The following NLGN1 variants were observed in gnomAD, a reference collection of about 807,000 sequenced individuals.
NLGN1 encodes neuroligin-1.
Under a neutral mutation model 65.5 loss-of-function variants are expected in NLGN1, and 12 were observed. That is an observed-to-expected ratio of 0.18 (90% CI 0.12 to 0.30). The LOEUF (loss-of-function observed/expected upper bound fraction) is 0.30, where lower values mean the gene tolerates loss of function less well. Ranked by LOEUF, NLGN1 falls within the 10% of genes least tolerant of loss-of-function variation. The pLI is 1.00. For synonymous variants in NLGN1, 350 were observed against 359.5 expected (o/e 0.97, Z 0.30); for missense variants, 750 against 1,007.1 (o/e 0.74, Z 3.46).
At chr3:173,451,501 G>C (rs1005734643) in intron 2 of NLGN1, among the ~76,000 whole-genome samples, 2 of 152,180 alleles carry the variant, frequency 1.3e-5, no homozygotes, top group Non-Finnish European at 2.9e-5. Flanking sequence ...AGGCTACTCG[G>C]GGGTCAGGGA....
chr3:173,402,081 G>A (rs1274815812), intron 1 of NLGN1, among the ~76,000 whole-genome samples: 1 of 152,120 alleles, frequency 6.6e-6, no homozygotes, highest in African/African-American at 2.4e-5. Context: ...AAATAAAAAT[G>A]CAGCTCTATT....
intron 1 of NLGN1, among the ~76,000 whole-genome samples, chr3:173,403,373 A>G (rs1172221110): frequency 2.0e-5 from 3 of 152,168 alleles, no homozygotes; most frequent in Non-Finnish European, 2.9e-5. Context: ...ACGTATCCTC[A>G]TCTATGTTTG....
At chr3:173,448,512 T>C (rs891695103) in intron 2 of NLGN1, among the ~76,000 whole-genome samples, 4 of 152,180 alleles carry the variant, frequency 2.6e-5, no homozygotes, top group African/African-American at 9.6e-5. Flanking sequence ...AGGATATTGG[T>C]CTAAAATTCT....
chr3:173,937,672 G>C (rs1745293974), intron 4 of NLGN1, among the ~76,000 whole-genome samples: 1 of 152,068 alleles, frequency 6.6e-6, no homozygotes, highest in Admixed American at 6.6e-5. Context: ...ATTACTAATA[G>C]CTACTAATCA....
intron 2 of NLGN1, among the ~76,000 whole-genome samples, chr3:173,575,076 A>G (rs2149344815): frequency 6.6e-6 from 1 of 152,324 alleles, no homozygotes; most frequent in Middle Eastern, 3.4e-3. Context: ...GCATAGAGAC[A>G]GAGTCTCACT....
intron 4 of NLGN1, among the ~76,000 whole-genome samples, chr3:174,073,303 G>A (rs1291575419): frequency 1.3e-5 from 2 of 151,724 alleles, no homozygotes; most frequent in Non-Finnish European, 2.9e-5. Context: ...ACAAGTTTTA[G>A]TTTATATTTA....
At chr3:174,006,850 G>T (rs114304550) in intron 4 of NLGN1, among the ~76,000 whole-genome samples, 187 of 152,092 alleles carry the variant, frequency 1.2e-3, no homozygotes, top group African/African-American at 4.4e-3. Context: ...AGGTGGATCA[G>T]TTGGGGTCAG....
At chr3:173,774,277 G>T (rs1052347913) in intron 3 of NLGN1, among the ~76,000 whole-genome samples, 2 of 152,204 alleles carry the variant, frequency 1.3e-5, no homozygotes, top group African/African-American at 2.4e-5. Context: ...GTTCTTGGTA[G>T]TAGAGATGGA....
intron 4 of NLGN1, among the ~76,000 whole-genome samples, chr3:174,061,111 A>G (rs1423558811): frequency 2.6e-5 from 4 of 151,948 alleles, no homozygotes. Flanking sequence ...ATCTTCTGTG[A>G]CCTTGGTGTT....
intron 4 of NLGN1, among the ~76,000 whole-genome samples, chr3:174,102,815 A>G (rs1167685578): frequency 6.6e-6 from 1 of 151,532 alleles, no homozygotes; most frequent in Non-Finnish European, 1.5e-5. Flanking sequence ...TCAATAGTCT[A>G]TTAGATTCGC....
In NLGN1 at chr3:173,946,013, T is replaced by A. The variant is rs145396416; in HGVS notation, c.646+138181T>A. On this transcript the variant is annotated intron_variant, in intron 4 of 6. Coordinates refer to ENST00000457714, the Ensembl canonical transcript of NLGN1. ...GTGCCATAAACTGATGCTGAGCATA[T>A]GTTTATGTGTCTGTGCCATCTGCCC... Among the ~76,000 whole-genome samples, 487 of 152,324 alleles carry A rather than the reference T, an allele frequency of 3.2e-3. 2 individuals carry two copies. Among genetic ancestry groups the A allele is most frequent in the African/African-American group, 0.011 (459 of 41,574 alleles).
At chr3:173,538,033 C>T (rs991052148) in intron 2 of NLGN1, among the ~76,000 whole-genome samples, 2 of 152,118 alleles carry the variant, frequency 1.3e-5, no homozygotes, top group Non-Finnish European at 2.9e-5. Flanking sequence ...CATTTCTTTC[C>T]CTGAAACTAA....
At chr3:173,622,270 C>T (rs546921350) in intron 3 of NLGN1, among the ~76,000 whole-genome samples, 12 of 152,110 alleles carry the variant, frequency 7.9e-5, no homozygotes, top group African/African-American at 2.9e-4. Flanking sequence ...CTGTTCTCAT[C>T]TAGTGCTGTG....
In NLGN1 at chr3:173,466,006, G is replaced by T. The variant is rs1297901672; in HGVS notation, c.-321+30928G>T. 2.0e-5 allele frequency among the ~76,000 whole-genome samples: 3 copies of T among 152,192 alleles called. No individual in the cohort carries two copies. The East Asian group carries it at 5.8e-4, about 29-fold the overall frequency. On this transcript the variant is annotated intron_variant, in intron 2 of 6. Transcript: ENST00000457714. ...AATGTGATAATAGCTTAAGGAACTA[G>T]TGGAAAGACAACAATTATAAACAAA...
rs191332376 is a variant in NLGN1, at chr3:173,750,136, C to T, written c.494-57544C>T. On this transcript the variant is annotated intron_variant, in intron 3 of 6. Transcript: ENST00000457714. Reference sequence around the variant, plus strand: ...TGGTGGATGCTGTCCTGCCCTGATTCGCCCTGTACCAAAGCAATCTTCCTC... The same window carrying T: ...TGGTGGATGCTGTCCTGCCCTGATTTGCCCTGTACCAAAGCAATCTTCCTC... 2.2e-3 allele frequency among the ~76,000 whole-genome samples: 334 copies of T among 152,172 alleles called. 1 individual carries two copies. Among genetic ancestry groups the T allele is most frequent in the Admixed American group, 4.3e-3 (65 of 15,252 alleles).
chr3:173,641,311 TTTA>T (rs1458518612), intron 3 of NLGN1, among the ~76,000 whole-genome samples: 1 of 152,102 alleles, frequency 6.6e-6, no homozygotes, highest in Non-Finnish European at 1.5e-5. Context: ...GGTACTTCTT[TTTA>T]TTATTATTAT....
chr3:173,794,610 T>C (rs1713595293), intron 3 of NLGN1, among the ~76,000 whole-genome samples: 1 of 152,166 alleles, frequency 6.6e-6, no homozygotes, highest in Non-Finnish European at 1.5e-5. Flanking sequence ...GAAGCATTTC[T>C]CCAGAATAAA....
At chr3:173,913,355 T>A (rs1205368628) in intron 4 of NLGN1, among the ~76,000 whole-genome samples, 3 of 152,180 alleles carry the variant, frequency 2.0e-5, no homozygotes, top group African/African-American at 7.2e-5. Context: ...TACCCTGGCA[T>A]GTGGGAATAG....
At chr3:174,237,848 C>T (rs1034658312) in intron 4 of NLGN1, among the ~76,000 whole-genome samples, 2 of 152,136 alleles carry the variant, frequency 1.3e-5, no homozygotes, top group Non-Finnish European at 2.9e-5. Flanking sequence ...TGAGCCACCA[C>T]GCCTGGCCAG....
Sources: allele counts gnomAD v4.1 joint callset (sites outside exome capture counted in the v4.1 genomes callset), GRCh38; gene constraint gnomAD v4.1.1; transcripts MANE v1.5; gene names NCBI Gene and HGNC (gene_info 2026-07-23, HGNC 2026-07-21).